The following ZNF215 variants were observed in gnomAD, a reference collection of about 807,000 sequenced individuals.
ZNF215 encodes the protein BWSCR2-associated zinc finger protein 2.
ZNF215 carries 24 observed loss-of-function variants against 27.2 expected under a neutral mutation model. That is an observed-to-expected ratio of 0.88 (90% confidence interval 0.64 to 1.24). The LOEUF is 1.24. Among genes scored for constraint, ZNF215 ranks in the 50% most tolerant of loss-of-function variants. The pLI, the probability that ZNF215 is intolerant of heterozygous loss-of-function variation, is 0.00. For missense variants in ZNF215, 675 were observed against 605.7 expected, an observed-to-expected ratio of 1.11 and a Z score of -1.20; for synonymous variants, 210 against 204.0, an observed-to-expected ratio of 1.03 and a Z score of -0.25.
chr11:6,932,769 C>A (rs1849311202), intron 3 of ZNF215, 97 bp downstream of exon 3: 15 of 1,149,130 alleles, frequency 1.3e-5, no homozygotes, highest in Non-Finnish European at 1.8e-5. Flanking sequence ...AGTGCCAGAT[C>A]TTGAAGGACT....
chr11:6,953,374 A>G (rs1303813749), intron 6 of ZNF215, among the ~76,000 whole-genome samples: 2 of 152,212 alleles, frequency 1.3e-5, no homozygotes, highest in East Asian at 1.9e-4. Flanking sequence ...AGATACACCA[A>G]TCAGACGTAG....
intron 5 of ZNF215, among the ~76,000 whole-genome samples, chr11:6,965,605 T>G (rs1850602507): frequency 6.6e-6 from 1 of 152,168 alleles, no homozygotes; most frequent in South Asian, 2.1e-4. Flanking sequence ...TCTGTAGGTT[T>G]CAGCATACAG....
Position 6,956,077 on chromosome 11 carries a change from T to G in ZNF215, c.1100T>G (p.Ile367Ser). Reference sequence around the variant, plus strand: ...AATGACTTGAGTTTGAGTACAGATATTCGACACCAAAAAAGTCATACTACA... The same window carrying G: ...AATGACTTGAGTTTGAGTACAGATAGTCGACACCAAAAAAGTCATACTACA... ...YGNDLSLSTD[I>S]RHQKSHTTMN... The change falls in exon 7 of 7, where the codon ATT becomes AGT. Residue 367 changes from isoleucine (I) to serine (S), a missense_variant. Physicochemically the swap from Ile to Ser is moderately radical, Grantham distance 142 (BLOSUM62 -2). Transcript: ENST00000278319. 6.2e-7 allele frequency: 1 copy of G among 1,612,110 alleles called. No individual in the cohort carries two copies. The highest frequency in any genetic ancestry group is 8.5e-7 in the Non-Finnish European group (1 of 1,179,484).
Position 6,955,875 on chromosome 11 carries a change from G to A in ZNF215, c.898G>A (p.Asp300Asn). ...IPETIYTEEE[D>N]FECSENKKSF... ...TGAGACAATTTACACTGAGGAGGAA[G>A]ATTTTGAATGTAGTGAAAATAAGAA... Residue 300 changes from aspartate to asparagine, a missense_variant, in exon 7 of 7, where the codon GAT (aspartate) becomes AAT (asparagine). Coordinates refer to ENST00000278319, the MANE Select transcript of ZNF215 (RefSeq NM_013250.4). 2.5e-6 allele frequency: 4 copies of A among 1,610,498 alleles called. No individual in the cohort carries two copies. Among genetic ancestry groups the A allele is most frequent in the Non-Finnish European group, 3.4e-6 (4 of 1,179,130 alleles).
In ZNF215 at chr11:6,956,913, T is replaced by G. The variant is rs1461903651; in HGVS notation, c.*382T>G. ...CAAAGCCAAACAATACTCTTGGAGTTGATATTTAATAAAACTCAGCCCTTT... is the reference window on the plus strand; with the variant it reads ...CAAAGCCAAACAATACTCTTGGAGTGGATATTTAATAAAACTCAGCCCTTT... On this transcript the variant is annotated 3_prime_UTR_variant, in exon 7 of 7. Transcript: ENST00000278319. 1 of 995,222 alleles carries G rather than the reference T, an allele frequency of 1.0e-6. No homozygotes were observed. Among genetic ancestry groups the G allele is most frequent in the Non-Finnish European group, 1.2e-6 (1 of 836,012 alleles). 61.6% of individuals were successfully genotyped at this position (995,222 alleles called of 1,614,324 possible). A position where few individuals can be genotyped will look rare whatever the true frequency, so the allele number is the denominator to read the frequency against.
intron 5 of ZNF215, among the ~76,000 whole-genome samples, chr11:6,978,142 G>T (rs762269073): frequency 6.6e-6 from 1 of 152,024 alleles, no homozygotes; most frequent in Non-Finnish European, 1.5e-5. Flanking sequence ...AGGTAAAACA[G>T]TGTTCAGTTA....
chr11:6,978,008 G>A (rs989293834), intron 5 of ZNF215, among the ~76,000 whole-genome samples: 1 of 152,066 alleles, frequency 6.6e-6, no homozygotes, highest in East Asian at 1.9e-4. Flanking sequence ...AGCTCACTCT[G>A]TTGGTGAATT....
chr11:6,939,608 C>T (rs1849565978), intron 3 of ZNF215, among the ~76,000 whole-genome samples: 1 of 151,954 alleles, frequency 6.6e-6, no homozygotes, highest in Admixed American at 6.6e-5. Context: ...TTTGATGATG[C>T]CAAGATCCAT....
chr11:6,939,269 A>T (rs1464845925), intron 3 of ZNF215, among the ~76,000 whole-genome samples: 1 of 152,092 alleles, frequency 6.6e-6, no homozygotes, highest in Non-Finnish European at 1.5e-5. Context: ...GACTGTCAGG[A>T]TTTGGGGTGA....
At chr11:6,959,825 CAT>C (rs909308415), downstream of ZNF215, among the ~76,000 whole-genome samples, 1 of 152,078 alleles carries the variant, frequency 6.6e-6, no homozygotes, top group Non-Finnish European at 1.5e-5. Context: ...TTACTAGTAA[CAT>C]AGTGTGATAC....
rs563009897 is a variant in ZNF215 at position 6,969,670 on chromosome 11, G to A, written c.805+13888G>A. Among the ~76,000 whole-genome samples, 15 of 152,170 alleles carry A rather than the reference G, an allele frequency of 9.9e-5. No individual in the cohort carries two copies. In the South Asian group the frequency reaches 2.1e-3, roughly 21 times the overall value. On this transcript the variant is annotated intron_variant, in intron 5 of 5. Coordinates refer to the ZNF215 transcript ENST00000529903. ...GAATTATCTCAAGATTTAAAATATAGTATACTTATTAAACATGATGGATTA... is the reference window on the plus strand; with the variant it reads ...GAATTATCTCAAGATTTAAAATATAATATACTTATTAAACATGATGGATTA...
chr11:6,943,257 T>G (rs1010644555), intron 5 of ZNF215, 42 bp downstream of exon 5: 10 of 1,577,084 alleles, frequency 6.3e-6, no homozygotes, highest in African/African-American at 1.4e-5. Flanking sequence ...TTTAGTAATC[T>G]CTTCCTACCG....
intron 3 of ZNF215, among the ~76,000 whole-genome samples, chr11:6,941,060 T>C (rs1322512373): frequency 1.3e-5 from 2 of 152,198 alleles, no homozygotes; most frequent in Non-Finnish European, 2.9e-5. Context: ...CTCAGAATTT[T>C]ATGTTTTGAA....
Position 6,943,562 on chromosome 11 carries a change from A to G in ZNF215, c.633A>G (p.Lys211=). ...NSLRKAHLLS[K]PFESLKLESK... Reference sequence around the variant, plus strand: ...CATGAACAGCACATCTACTTTCCAAACCATTTGAGAGCCTTAAGTTGGAGA... The same window carrying G: ...CATGAACAGCACATCTACTTTCCAAGCCATTTGAGAGCCTTAAGTTGGAGA... Residue 211 remains lysine, a synonymous_variant, in exon 6 of 7, where the codon AAA becomes AAG. Coordinates refer to ENST00000278319, the MANE Select transcript of ZNF215 (RefSeq NM_013250.4). 1 of 1,613,934 alleles carries G rather than the reference A, an allele frequency of 6.2e-7. No individual in the cohort carries two copies. The highest frequency in any genetic ancestry group is 8.5e-7 in the Non-Finnish European group (1 of 1,179,950).
intron 6 of ZNF215, among the ~76,000 whole-genome samples, chr11:6,952,061 C>A (rs962743537): frequency 6.6e-6 from 1 of 152,062 alleles, no homozygotes. Flanking sequence ...AGTTTCTTAA[C>A]CCTGAGTTCT....
Position 6,969,824 on chromosome 11 carries a change from A to C in ZNF215, c.805+14042A>C, listed in dbSNP as rs138299685. 1.7e-3 allele frequency among the ~76,000 whole-genome samples: 263 copies of C among 152,266 alleles called. 1 individual carries two copies. The highest frequency in any genetic ancestry group is 5.2e-3 in the African/African-American group (218 of 41,558). On this transcript the variant is annotated intron_variant, in intron 5 of 5. Coordinates refer to the ZNF215 transcript ENST00000529903. ...GAGACGGATTCTCGCTTTGTTGCCCAGGCTGGAGTTCAGTGGTGCAATCTT... is the reference window on the plus strand; with the variant it reads ...GAGACGGATTCTCGCTTTGTTGCCCCGGCTGGAGTTCAGTGGTGCAATCTT...
chr11:6,953,856 C>T lies in ZNF215; in HGVS notation c.713-1834C>T, dbSNP rs188314383. ...TTTTTCTGCTCTGTTTTTTCCCCAT[C>T]TTGGTGGTTTTATCTACTTTTAGTC... is the stretch of plus-strand genomic sequence containing the variant. On this transcript the variant is annotated intron_variant, in intron 6 of 6. Transcript: ENST00000278319. Among the ~76,000 whole-genome samples the T allele has an allele frequency of 8.5e-5, 13 of 152,184 alleles. No individual in the cohort carries two copies. In the East Asian group the frequency reaches 2.3e-3, roughly 27 times the overall value.
intron 6 of ZNF215, among the ~76,000 whole-genome samples, chr11:6,953,710 C>A (rs888983369): frequency 6.6e-6 from 1 of 152,214 alleles, no homozygotes; most frequent in Non-Finnish European, 1.5e-5. Context: ...GTAGTTTGAT[C>A]ATCTGAAGCC....
At chr11:6,964,600 T>TTCA (rs1422062616) in intron 5 of ZNF215, among the ~76,000 whole-genome samples, 1 of 152,062 alleles carries the variant, frequency 6.6e-6, no homozygotes, top group Non-Finnish European at 1.5e-5. Flanking sequence ...CACTGATCTT[T>TTCA]GTGCCTATCC....
Sources: gnomAD v4.1 joint callset for allele counts (sites outside exome capture counted in the v4.1 genomes callset) on GRCh38, gnomAD v4.1.1 for gene constraint, MANE v1.5 for transcripts, NCBI Gene and HGNC (gene_info 2026-07-23, HGNC 2026-07-21) for gene names.